Variants in ADAMTSL3 observed in about 807,000 individuals in gnomAD.
ADAMTSL3 encodes ADAMTS like 3.
In ADAMTSL3, 128 loss-of-function variants were observed where a neutral mutation model predicts 201.7. The ratio of observed to expected loss-of-function variants is 0.63; its 90% confidence interval spans 0.55 to 0.73. The LOEUF (loss-of-function observed/expected upper bound fraction) is 0.73, where lower values mean the gene tolerates loss of function less well. Among genes scored for constraint, ADAMTSL3 ranks in the 30% least tolerant of loss-of-function variants. The pLI is 0.00. For missense variants in ADAMTSL3, 1,990 were observed against 2,119.6 expected (o/e 0.94, Z 1.20); for synonymous variants, 738 against 748.4 (o/e 0.99, Z 0.23).
chr15:83,730,871 A>G (rs2062254596), intron 3 of ADAMTSL3, among the ~76,000 whole-genome samples: 1 of 151,960 alleles, frequency 6.6e-6, no homozygotes, highest in African/African-American at 2.4e-5. Flanking sequence ...AAGCTTTCCC[A>G]TCTGTTTTCT....
intron 25 of ADAMTSL3, among the ~76,000 whole-genome samples, chr15:84,017,661 T>C (rs1422363474): frequency 6.6e-6 from 1 of 152,236 alleles, no homozygotes; most frequent in Non-Finnish European, 1.5e-5. Context: ...ATCACGTTAC[T>C]TATGACATCA....
At chr15:84,037,622 G>T in intron 29 of ADAMTSL3, 78 bp from the exon 30 acceptor site, 1 of 1,452,196 alleles carries the variant, frequency 6.9e-7, no homozygotes. Context: ...TCAATTTATG[G>T]CTTTTCATAA....
intron 3 of ADAMTSL3, among the ~76,000 whole-genome samples, chr15:83,718,045 C>T (rs2062043597): frequency 6.6e-6 from 1 of 152,142 alleles, no homozygotes; most frequent in Non-Finnish European, 1.5e-5. Context: ...AGTGAAAACT[C>T]TATAGTCCTA....
At chr15:83,801,657 T>A (rs28384308) in intron 4 of ADAMTSL3, among the ~76,000 whole-genome samples, 14,656 of 32,726 alleles carry the variant, frequency 0.45, 2,591 homozygotes, top group East Asian at 0.58. Context: ...TATAAATATA[T>A]ATATATATAT....
chr15:83,754,141 G>A (rs1425372602), intron 3 of ADAMTSL3, among the ~76,000 whole-genome samples: 1 of 152,146 alleles, frequency 6.6e-6, no homozygotes. Context: ...ATTAATGCCA[G>A]TAGCACCTCC....
intron 8 of ADAMTSL3, among the ~76,000 whole-genome samples, chr15:83,866,765 A>T (rs909350985): frequency 3.9e-5 from 6 of 152,228 alleles, no homozygotes; most frequent in Non-Finnish European, 8.8e-5. Flanking sequence ...ATAATAAAAA[A>T]AAAGAATAAG....
chr15:83,709,470 A>G (rs1045626134), intron 3 of ADAMTSL3, among the ~76,000 whole-genome samples: 2 of 152,180 alleles, frequency 1.3e-5, no homozygotes, highest in African/African-American at 4.8e-5. Context: ...GTTTTGTCCC[A>G]TAGAGGACCT....
At chr15:84,001,203 G>A (rs1049897468) in intron 23 of ADAMTSL3, among the ~76,000 whole-genome samples, 7 of 152,256 alleles carry the variant, frequency 4.6e-5, no homozygotes, top group Admixed American at 2.0e-4. Context: ...CAACGGATGC[G>A]TCATTAATTG....
chr15:84,001,369 CA>C (rs1162879878), intron 23 of ADAMTSL3, among the ~76,000 whole-genome samples: 1 of 152,134 alleles, frequency 6.6e-6, no homozygotes, highest in Non-Finnish European at 1.5e-5. Flanking sequence ...AGCTCATCAT[CA>C]AAAATAACAA....
At chr15:83,880,474 C>G (rs1254729421) in intron 9 of ADAMTSL3, among the ~76,000 whole-genome samples, 1 of 152,308 alleles carries the variant, frequency 6.6e-6, no homozygotes, top group South Asian at 2.1e-4. Flanking sequence ...TGAATAGTTG[C>G]AACAGAAACC....
intron 2 of ADAMTSL3, among the ~76,000 whole-genome samples, chr15:83,701,837 C>T (rs568818668): frequency 6.6e-6 from 1 of 152,224 alleles, no homozygotes; most frequent in East Asian, 1.9e-4. Flanking sequence ...AAATTGGCAC[C>T]AGTGGAATCG....
chr15:83,866,926 T>A (rs1408582613), intron 8 of ADAMTSL3, among the ~76,000 whole-genome samples: 1 of 152,222 alleles, frequency 6.6e-6, no homozygotes, highest in African/African-American at 2.4e-5. Flanking sequence ...TTGCTTGGAC[T>A]ATTTCCCTTT....
rs60612296 is a variant in ADAMTSL3, at chr15:83,774,851, CT to C, written c.317+1215del. ...ACACCCTGTGGGCAAGGGGAGGAGGCTTTTTTTTTTTTTTGGAGATGGAGTC... is the reference window on the plus strand; with the variant it reads ...ACACCCTGTGGGCAAGGGGAGGAGGCTTTTTTTTTTTTTGGAGATGGAGTC... On this transcript the variant is annotated intron_variant, in intron 4 of 29. Coordinates refer to ENST00000286744, the MANE Select transcript of ADAMTSL3 (RefSeq NM_207517.3). Among the ~76,000 whole-genome samples, 343 of 133,638 alleles carry C rather than the reference CT, an allele frequency of 2.6e-3. 1 individual carries two copies. The highest frequency in any genetic ancestry group is 0.013 in the East Asian group (61 of 4,684). 87.7% of individuals were successfully genotyped at this position (133,638 alleles called of 152,430 possible). A position where few individuals can be genotyped will look rare whatever the true frequency, so the allele number is the denominator to read the frequency against.
intron 7 of ADAMTSL3, among the ~76,000 whole-genome samples, chr15:83,843,468 A>G (rs946075131): frequency 4.6e-5 from 7 of 152,122 alleles, no homozygotes; most frequent in African/African-American, 1.7e-4. Context: ...TTATGGCCCC[A>G]TCATGTTTGT....
intron 20 of ADAMTSL3, among the ~76,000 whole-genome samples, chr15:83,981,081 C>T (rs1490074541): frequency 1.3e-5 from 2 of 152,338 alleles, no homozygotes; most frequent in East Asian, 1.9e-4. Flanking sequence ...CTGCCACTCA[C>T]TAGTGCTTCC....
At chr15:83,757,993 G>A (rs1222500759) in intron 3 of ADAMTSL3, among the ~76,000 whole-genome samples, 2 of 152,026 alleles carry the variant, frequency 1.3e-5, no homozygotes, top group South Asian at 2.1e-4. Context: ...TATCATTATC[G>A]GCATTTTGGT....
intron 7 of ADAMTSL3, among the ~76,000 whole-genome samples, chr15:83,845,288 C>A (rs1320773794): frequency 6.6e-6 from 1 of 152,210 alleles, no homozygotes; most frequent in Admixed American, 6.5e-5. Flanking sequence ...CAAGAGCAGG[C>A]ACCATGTCTA....
intron 26 of ADAMTSL3, among the ~76,000 whole-genome samples, chr15:84,021,861 G>C (rs1185044899): frequency 1.3e-5 from 2 of 152,102 alleles, no homozygotes; most frequent in Non-Finnish European, 2.9e-5. Flanking sequence ...TAGAGCCCCT[G>C]CTCTCAATCA....
At chr15:83,722,510 T>C (rs573248965) in intron 3 of ADAMTSL3, among the ~76,000 whole-genome samples, 1 of 152,272 alleles carries the variant, frequency 6.6e-6, no homozygotes, top group African/African-American at 2.4e-5. Flanking sequence ...ACAGAAAAAA[T>C]TATGATACAG....
Sources: allele counts gnomAD v4.1 joint callset (sites outside exome capture counted in the v4.1 genomes callset), GRCh38; gene constraint gnomAD v4.1.1; transcripts MANE v1.5; gene names NCBI Gene and HGNC (gene_info 2026-07-23, HGNC 2026-07-21).